TOGARAM1: variants seen among roughly 807,000 people sequenced by gnomAD.
The protein encoded by TOGARAM1 is TOG array regulator of axonemal microtubules 1.
Under a neutral mutation model 166.6 loss-of-function variants are expected in TOGARAM1, and 100 were observed. That is an observed-to-expected ratio of 0.60 (90% CI 0.51 to 0.71). TOGARAM1 has a LOEUF of 0.71. Ranked by LOEUF, TOGARAM1 falls within the 30% of genes least tolerant of loss-of-function variation. The pLI, the probability that TOGARAM1 is intolerant of heterozygous loss-of-function variation, is 0.00. For synonymous variants in TOGARAM1, 758 were observed against 763.8 expected, an observed-to-expected ratio of 0.99 and a Z score of 0.13; for missense variants, 2,029 against 2,102.7, an observed-to-expected ratio of 0.96 and a Z score of 0.69.
chr14:44,962,482 C>A lies in TOGARAM1; in HGVS notation c.61C>A (p.Arg21=), dbSNP rs1189063136. The A allele has an allele frequency of 6.2e-7, 1 of 1,608,508 alleles. No homozygotes were observed. Among genetic ancestry groups the A allele is most frequent in the East Asian group, 2.2e-5 (1 of 44,868 alleles). The change falls in exon 1 of 20, where the codon CGG becomes AGG. Residue 21 remains arginine, a synonymous_variant. Coordinates refer to ENST00000361462, the MANE Select transcript of TOGARAM1 (RefSeq NM_001308120.2). The part of the protein sequence containing the change: ...LPPFPVLSTY[R]LQSRSRPSAP... The stretch of plus-strand genomic sequence containing the variant: ...GCCCTTTCCAGTCCTCTCTACCTAT[C>A]GGCTCCAGAGCCGCAGTCGTCCTTC...
At chr14:44,992,782 T>G (rs1357780341) in intron 1 of TOGARAM1, among the ~76,000 whole-genome samples, 3 of 151,616 alleles carry the variant, frequency 2.0e-5, no homozygotes. Context: ...CACGCCCGAC[T>G]AATTTTTGTA....
Position 44,962,476 on chromosome 14 carries a change from A to G in TOGARAM1, c.55A>G (p.Thr19Ala). 6.2e-7 allele frequency: 1 copy of G among 1,606,904 alleles called. No individual in the cohort carries two copies. The highest frequency in any genetic ancestry group is 8.5e-7 in the Non-Finnish European group (1 of 1,177,144). Residue 19 changes from threonine to alanine, a missense_variant, in exon 1 of 20, where the codon ACC (threonine) becomes GCC (alanine). Around this residue, in one of 2 missense-constraint regions of TOGARAM1, gnomAD observed 1,453 missense variants for 1,432.2 expected, o/e 1.01. Transcript: ENST00000361462. ...LLLPPFPVLSTYRLQSRSRPS... is the reference protein window; with the variant it reads ...LLLPPFPVLSAYRLQSRSRPS... ...GCTGCCGCCCTTTCCAGTCCTCTCT[A>G]CCTATCGGCTCCAGAGCCGCAGTCG...
intron 11 of TOGARAM1, among the ~76,000 whole-genome samples, chr14:45,040,225 A>T (rs568038308): frequency 3.3e-5 from 5 of 152,366 alleles, no homozygotes; most frequent in African/African-American, 1.2e-4. Flanking sequence ...AGAAGAAATA[A>T]GAAATCAAAA....
chr14:44,981,247 G>A (rs985347312), intron 1 of TOGARAM1, among the ~76,000 whole-genome samples: 2 of 152,206 alleles, frequency 1.3e-5, no homozygotes, highest in Non-Finnish European at 2.9e-5. Flanking sequence ...GAAGTCGTGT[G>A]CTGAAGTAAT....
Position 45,006,209 on chromosome 14 carries a change from G to A in TOGARAM1, c.2846G>A (p.Ser949Asn). 6.2e-7 allele frequency: 1 copy of A among 1,613,106 alleles called. No individual in the cohort carries two copies. ...GATATTTGGAAGTGTGAAAAAGATA[G>A]TCTTCCAATTGATCTTTCAGAATTA... ...PDDIWKCEKD[S>N]LPIDLSELNF... The change falls in exon 5 of 20, where the codon AGT (serine) becomes AAT (asparagine). Residue 949 changes from serine to asparagine, a missense_variant. Physicochemically the swap from Ser to Asn is conservative, Grantham distance 46. Coordinates refer to ENST00000361462, the MANE Select transcript of TOGARAM1 (RefSeq NM_001308120.2).
At chr14:44,964,498 G>T in intron 1 of TOGARAM1, 31 bp downstream of exon 1, 1 of 1,514,508 alleles carries the variant, frequency 6.6e-7, no homozygotes, top group African/African-American at 1.4e-5. Flanking sequence ...TGAGTCGAAA[G>T]TGTGAAGAAT....
At chr14:44,985,684 C>T (rs1264790639) in intron 1 of TOGARAM1, among the ~76,000 whole-genome samples, 2 of 152,228 alleles carry the variant, frequency 1.3e-5, no homozygotes, top group African/African-American at 4.8e-5. Flanking sequence ...CCTTGCCCGC[C>T]GCTCACCTCC....
intron 14 of TOGARAM1, among the ~76,000 whole-genome samples, chr14:45,049,828 C>G (rs1251139362): frequency 6.6e-6 from 1 of 151,852 alleles, no homozygotes; most frequent in Admixed American, 6.6e-5. Context: ...CTCTCTATCA[C>G]CTTGTTAAAA....
chr14:45,033,221 C>G (rs1881260169), intron 11 of TOGARAM1, among the ~76,000 whole-genome samples: 1 of 149,544 alleles, frequency 6.7e-6, no homozygotes, highest in South Asian at 2.1e-4. Flanking sequence ...CAACTGCACT[C>G]CAGCCTGGGC....
At chr14:45,015,791 A>G (rs1293744068) in intron 7 of TOGARAM1, among the ~76,000 whole-genome samples, 1 of 152,140 alleles carries the variant, frequency 6.6e-6, no homozygotes, top group Non-Finnish European at 1.5e-5. Context: ...AAAGCCAGGA[A>G]GCATGATTCC....
At chr14:45,047,792 A>G (rs1197053221) in intron 14 of TOGARAM1, among the ~76,000 whole-genome samples, 2 of 152,144 alleles carry the variant, frequency 1.3e-5, no homozygotes, top group East Asian at 1.9e-4. Context: ...GTGGTGGCTC[A>G]CACCTGTAAT....
chr14:44,995,969 C>A, intron 2 of TOGARAM1, 67 bp downstream of exon 2: 1 of 1,345,860 alleles, frequency 7.4e-7, no homozygotes, highest in Non-Finnish European at 1.0e-6. Context: ...ATAGTGCATT[C>A]AATGACTCAT....
intron 10 of TOGARAM1, among the ~76,000 whole-genome samples, chr14:45,030,876 C>T (rs1459520824): frequency 6.6e-6 from 1 of 152,084 alleles, no homozygotes; most frequent in African/African-American, 2.4e-5. Flanking sequence ...TTCTTAGTCT[C>T]TGTAAAATGC....
chr14:45,072,457 C>T (rs777310151), intron 19 of TOGARAM1, among the ~76,000 whole-genome samples: 1 of 151,604 alleles, frequency 6.6e-6, no homozygotes, highest in African/African-American at 2.4e-5. Flanking sequence ...GACAGAGTCT[C>T]GCTCTGTTGC....
At chr14:45,011,135 T>C (rs570516601) in intron 6 of TOGARAM1, among the ~76,000 whole-genome samples, 1 of 152,286 alleles carries the variant, frequency 6.6e-6, no homozygotes, top group South Asian at 2.1e-4. Flanking sequence ...AAAAAAGGCC[T>C]ATAGGTATTT....
chr14:45,044,643 T>A lies in TOGARAM1; in HGVS notation c.3927T>A (p.Asn1309Lys). 6.3e-7 allele frequency: 1 copy of A among 1,582,682 alleles called. No homozygotes were observed. The highest frequency in any genetic ancestry group is 8.6e-7 in the Non-Finnish European group (1 of 1,167,486). The change falls in exon 13 of 20, where the codon AAT becomes AAA. Residue 1309 changes from asparagine to lysine, a missense_variant. By Grantham distance (94) the Asn-to-Lys change is moderately conservative. Around this residue, in one of 2 missense-constraint regions of TOGARAM1, gnomAD observed 576 missense variants for 670.5 expected, o/e 0.86. Transcript: ENST00000361462. ...TNFAVVQEVKNLRSGVSRAAV... is the reference protein window; with the variant it reads ...TNFAVVQEVKKLRSGVSRAAV... ...TTTGAATTTTTTTTTAGGTGAAAAA[T>A]TTACGTTCTGGAGTTTCTCGTGCTG...
chr14:45,044,655 A>G lies in TOGARAM1; in HGVS notation c.3939A>G (p.Gly1313=). The stretch of plus-strand genomic sequence containing the variant: ...TTTAGGTGAAAAATTTACGTTCTGG[A>G]GTTTCTCGTGCTGCTGTGGTCTGTT... The part of the protein sequence containing the change: ...VVQEVKNLRS[G]VSRAAVVCLS... Residue 1313 remains glycine, a synonymous_variant, in exon 13 of 20, where the codon GGA becomes GGG. Coordinates refer to ENST00000361462, the MANE Select transcript of TOGARAM1 (RefSeq NM_001308120.2). 1 of 1,597,382 alleles carries G rather than the reference A, an allele frequency of 6.3e-7. No homozygotes were observed. Among genetic ancestry groups the G allele is most frequent in the Non-Finnish European group, 8.5e-7 (1 of 1,173,544 alleles).
intron 10 of TOGARAM1, among the ~76,000 whole-genome samples, chr14:45,031,023 T>C (rs1285647327): frequency 6.6e-6 from 1 of 152,222 alleles, no homozygotes; most frequent in Non-Finnish European, 1.5e-5. Context: ...CTAGCTAATA[T>C]CATTAACACC....
intron 7 of TOGARAM1, among the ~76,000 whole-genome samples, chr14:45,025,014 T>G (rs956202840): frequency 2.0e-5 from 3 of 152,198 alleles, no homozygotes; most frequent in African/African-American, 7.2e-5. Flanking sequence ...TATATTAGGC[T>G]CTGGGAAAGA....
Sources: gnomAD v4.1 joint callset for allele counts (sites outside exome capture counted in the v4.1 genomes callset) on GRCh38, gnomAD v4.1.1 for gene constraint, gnomAD v4.1.1 regional missense constraint, MANE v1.5 for transcripts, NCBI Gene and HGNC (gene_info 2026-07-23, HGNC 2026-07-21) for gene names.